The following SSTR5 variants were observed in gnomAD, a reference collection of about 807,000 sequenced individuals.
The protein encoded by SSTR5 is somatostatin receptor 5.
SSTR5 carries 1 observed loss-of-function variant against 0.3 expected under a neutral mutation model. The ratio of observed to expected loss-of-function variants is 2.98; its 90% confidence interval spans 1.06 to 14.15. SSTR5 has a LOEUF of 14.15. Ranked by LOEUF, SSTR5 falls within the 30% of genes most tolerant of loss-of-function variation. SSTR5 has a pLI of 0.12. For missense variants in SSTR5, 516 were observed against 543.2 expected (o/e 0.95, Z 0.50); for synonymous variants, 256 against 263.1 (o/e 0.97, Z 0.26).
chr16:1,077,673 C>A (rs763909695), intron 1 of SSTR5: 2 of 152,276 alleles, frequency 1.3e-5, no homozygotes, highest in Non-Finnish European at 2.9e-5. Flanking sequence ...GATCCACCCG[C>A]CTCGGCCTCC....
intron 1 of SSTR5, chr16:1,078,536 A>G: frequency 2.4e-6 from 1 of 424,454 alleles, no homozygotes; most frequent in Non-Finnish European, 4.4e-6. Context: ...CTCAGACTCC[A>G]GGATGCTGCG....
Position 1,078,972 on chromosome 16 carries a change from C to T in SSTR5, c.104C>T (p.Ser35Leu), listed in dbSNP as rs202179964. Residue 35 changes from serine to leucine, a missense_variant, in exon 2 of 2, where the codon TCG becomes TTG. Coordinates refer to ENST00000689027, the MANE Select transcript of SSTR5 (RefSeq NM_001172560.3). Reference protein sequence around the residue: ...DNRTLVGPAPSAGARAVLVPV... With the variant: ...DNRTLVGPAPLAGARAVLVPV... ...AGGACGCTGGTGGGGCCGGCGCCCT[C>T]GGCAGGGGCCCGGGCGGTGCTGGTG... is the stretch of plus-strand genomic sequence containing the variant. The T allele has an allele frequency of 1.5e-5, 24 of 1,591,710 alleles. No homozygotes were observed. Among genetic ancestry groups the T allele is most frequent in the Middle Eastern group, 3.4e-4 (2 of 5,870 alleles).
In SSTR5 at chr16:1,080,410, C is replaced by G. The variant is rs1235724604; in HGVS notation, c.*447C>G. ...CGGGTCCCCGTCCAAGGCTGCTCTG[C>G]TAAGTTAAAGACACCCGAAAGCGCT... On this transcript the variant is annotated 3_prime_UTR_variant, in exon 2 of 2. Coordinates refer to ENST00000689027, the MANE Select transcript of SSTR5 (RefSeq NM_001172560.3). Among the ~76,000 whole-genome samples, 1 of 152,244 alleles carries G rather than the reference C, an allele frequency of 6.6e-6. No homozygotes were observed. Among genetic ancestry groups the G allele is most frequent in the Non-Finnish European group, 1.5e-5 (1 of 68,040 alleles).
chr16:1,080,143 C>A lies in SSTR5; in HGVS notation c.*180C>A. The stretch of plus-strand genomic sequence containing the variant: ...TAGGTTCCCCACCGTGACCGACCAT[C>A]CCCTCTAACCGTCTGCCACACAGCG... On this transcript the variant is annotated 3_prime_UTR_variant, in exon 2 of 2. Transcript: ENST00000689027. 3 of 841,532 alleles carry A rather than the reference C, an allele frequency of 3.6e-6. No individual in the cohort carries two copies. Among genetic ancestry groups the A allele is most frequent in the Non-Finnish European group, 3.6e-6 (2 of 552,200 alleles). The allele number at this position is 841,532 out of a possible 1,614,324, so 52.1% of individuals were successfully genotyped here.
In SSTR5 at chr16:1,080,006, G is replaced by A; in HGVS notation, c.*43G>A. The A allele has an allele frequency of 1.9e-6, 3 of 1,543,294 alleles. No homozygotes were observed. Among genetic ancestry groups the A allele is most frequent in the Non-Finnish European group, 2.6e-6 (3 of 1,146,338 alleles). On this transcript the variant is annotated 3_prime_UTR_variant, in exon 2 of 2. Transcript: ENST00000689027. ...GGGCGGCCCCGTGTCACCCCCAGGA[G>A]CGGAGGTTGCACTGCGGTGACCCCC...
Position 1,080,232 on chromosome 16 carries a change from G to GA in SSTR5, c.*269_*270insA. 1 of 481,870 alleles carries GA rather than the reference G, an allele frequency of 2.1e-6. No homozygotes were observed. The highest frequency in any genetic ancestry group is 3.7e-6 in the Non-Finnish European group (1 of 268,148). The allele number at this position is 481,870 out of a possible 1,614,324, so 29.8% of individuals were successfully genotyped here. A position where few individuals can be genotyped will look rare whatever the true frequency, so the allele number is the denominator to read the frequency against. ...GGGGGCTCCGCCATGCCGTGCAAGTGCTCAGGGCCGCCTCACCCTCCATCT... is the reference window on the plus strand; with the variant it reads ...GGGGGCTCCGCCATGCCGTGCAAGTGACTCAGGGCCGCCTCACCCTCCATCT... On this transcript the variant is annotated 3_prime_UTR_variant, in exon 2 of 2. Transcript: ENST00000689027.
intron 1 of SSTR5, among the ~76,000 whole-genome samples, chr16:1,076,263 T>C (rs1342484486): frequency 8.0e-4 from 1 of 1,244 alleles, no homozygotes. Context: ...ACCCCCTCCC[T>C]CTCCCTCTCC....
rs1172856640 is a variant in SSTR5 at position 1,079,881 on chromosome 16, A to G, written c.1013A>G (p.Asp338Gly). 16 of 1,609,828 alleles carry G rather than the reference A, an allele frequency of 9.9e-6. No homozygotes were observed. Among genetic ancestry groups the G allele is most frequent in the African/African-American group, 1.3e-5 (1 of 74,882 alleles). ...KDADATEPRP[D>G]RIRQQQEATP... is the part of the protein sequence containing the mutation. ...GCTGACGCCACGGAGCCGCGTCCAG[A>G]CAGGATCCGGCAGCAGCAGGAGGCC... Residue 338 changes from aspartate to glycine, a missense_variant, in exon 2 of 2, where the codon GAC becomes GGC. Asp to Gly is a moderately conservative substitution (Grantham distance 94). Transcript: ENST00000689027.
rs1230525468 is a variant in SSTR5 at position 1,078,995 on chromosome 16, G to T, written c.127G>T (p.Val43Leu). Residue 43 changes from valine (V) to leucine (L), a missense_variant, in exon 2 of 2, where the codon GTG becomes TTG. Val to Leu is a conservative substitution (Grantham distance 32). Coordinates refer to ENST00000689027, the MANE Select transcript of SSTR5 (RefSeq NM_001172560.3). ...APSAGARAVL[V>L]PVLYLLVCAA... is the part of the protein sequence containing the mutation. ...CTCGGCAGGGGCCCGGGCGGTGCTG[G>T]TGCCCGTGCTGTACCTGCTGGTGTG... 3.1e-6 allele frequency: 5 copies of T among 1,594,448 alleles called. No homozygotes were observed. The highest frequency in any genetic ancestry group is 4.3e-6 in the Non-Finnish European group (5 of 1,172,468).
intron 1 of SSTR5, among the ~76,000 whole-genome samples, chr16:1,074,123 G>A (rs1290892895): frequency 6.6e-6 from 1 of 152,216 alleles, no homozygotes; most frequent in East Asian, 1.9e-4. Context: ...CAAGGGGGCA[G>A]TGGCCTGCCA....
At chr16:1,075,020 C>T (rs1960164942) in intron 1 of SSTR5, among the ~76,000 whole-genome samples, 1 of 152,300 alleles carries the variant, frequency 6.6e-6, no homozygotes, top group Admixed American at 6.5e-5. Flanking sequence ...TGGCCGAGGG[C>T]TCGGGATCAG....
rs546551594 is a variant in SSTR5, at chr16:1,078,752, C to T, written c.-27-90C>T. ...TACCCGGTGATCCCGCGCCTCCTGG[C>T]AGGCGGGGCTGGGGCCCAGGAGGAA... On this transcript the variant is annotated intron_variant, in intron 1 of 1. Transcript: ENST00000689027. 3.9e-5 allele frequency: 50 copies of T among 1,276,636 alleles called. No individual in the cohort carries two copies. The African/African-American group carries it at 6.3e-4, about 16-fold the overall frequency. 79.1% of individuals were successfully genotyped at this position (1,276,636 alleles called of 1,614,324 possible).
rs781439975 is a variant in SSTR5, at chr16:1,079,127, G to A, written c.259G>A (p.Val87Ile). 1.3e-5 allele frequency: 21 copies of A among 1,612,578 alleles called. No individual in the cohort carries two copies. Among genetic ancestry groups the A allele is most frequent in the Admixed American group, 6.7e-5 (4 of 60,006 alleles). ...IYILNLAVAD[V>I]LYMLGLPFLA... ...CATTCTCAACCTGGCAGTGGCCGAC[G>A]TCCTGTACATGCTGGGGCTGCCTTT... The change falls in exon 2 of 2, where the codon GTC becomes ATC. Residue 87 changes from valine to isoleucine, a missense_variant. Coordinates refer to ENST00000689027, the MANE Select transcript of SSTR5 (RefSeq NM_001172560.3).
In SSTR5 at chr16:1,081,116, T is replaced by G. The variant is rs1167273449; in HGVS notation, c.*1153T>G. The stretch of plus-strand genomic sequence containing the variant: ...CTCCCCCACCCCAAACACCAGCTTT[T>G]CCTGGCGCCCCAGGCCCAGAACGTG... On this transcript the variant is annotated 3_prime_UTR_variant, in exon 2 of 2. Transcript: ENST00000689027. 2 of 470,392 alleles carry G rather than the reference T, an allele frequency of 4.3e-6. No homozygotes were observed. Among genetic ancestry groups the G allele is most frequent in the Non-Finnish European group, 4.4e-6 (1 of 226,712 alleles). 29.1% of individuals were successfully genotyped at this position (470,392 alleles called of 1,614,324 possible). A position where few individuals can be genotyped will look rare whatever the true frequency, so the allele number is the denominator to read the frequency against.
rs777559987 is a variant in SSTR5, at chr16:1,079,324, C to T, written c.456C>T (p.Arg152=). 1.4e-5 allele frequency: 22 copies of T among 1,608,018 alleles called. No individual in the cohort carries two copies. In the East Asian group the frequency reaches 4.2e-4, roughly 31 times the overall value. Residue 152 remains arginine, a synonymous_variant, in exon 2 of 2, where the codon CGC becomes CGT. Transcript: ENST00000689027. ...VHPLSSARWR[R]PRVAKLASAA... ...CGCTGAGCTCGGCCCGCTGGCGCCG[C>T]CCGCGTGTGGCCAAGCTGGCGAGCG... is the stretch of plus-strand genomic sequence containing the variant.
At position 1,080,928 on chromosome 16, in the gene SSTR5, G is replaced by C. The variant is rs1012237076; in HGVS notation, c.*965G>C. ...TGCTTTGGGGCAGGGGCTCTGGCCC[G>C]GGAGAGGGAACGGGGACAGGAGCAG... On this transcript the variant is annotated 3_prime_UTR_variant, in exon 2 of 2. Transcript: ENST00000689027. 8 of 414,360 alleles carry C rather than the reference G, an allele frequency of 1.9e-5. No individual in the cohort carries two copies. Among genetic ancestry groups the C allele is most frequent in the Non-Finnish European group, 3.6e-5 (7 of 196,044 alleles). 25.7% of individuals were successfully genotyped at this position (414,360 alleles called of 1,614,324 possible).
rs1254975962 is a variant in SSTR5, at chr16:1,080,851, G to C, written c.*888G>C. Among the ~76,000 whole-genome samples the C allele has an allele frequency of 6.6e-6, 1 of 152,150 alleles. No homozygotes were observed. Among genetic ancestry groups the C allele is most frequent in the South Asian group, 2.1e-4 (1 of 4,836 alleles). ...AGGGAGAGGTGCTCCTGCTGCAGGAGGACCTGAGGGTCAGGGCTTGGAGAG... is the reference window on the plus strand; with the variant it reads ...AGGGAGAGGTGCTCCTGCTGCAGGACGACCTGAGGGTCAGGGCTTGGAGAG... On this transcript the variant is annotated 3_prime_UTR_variant, in exon 2 of 2. Transcript: ENST00000689027.
At position 1,081,192 on chromosome 16, in the gene SSTR5, G is replaced by C. The variant is rs1960372046; in HGVS notation, c.*1229G>C. The C allele has an allele frequency of 2.2e-6, 1 of 462,928 alleles. No individual in the cohort carries two copies. Among genetic ancestry groups the C allele is most frequent in the Non-Finnish European group, 4.5e-6 (1 of 222,230 alleles). 28.7% of individuals were successfully genotyped at this position (462,928 alleles called of 1,614,324 possible). A position where few individuals can be genotyped will look rare whatever the true frequency, so the allele number is the denominator to read the frequency against. ...CTGGGGCACCTTGGCCTTGCTCTGA[G>C]GCTGGAAGGAGAAGGACCAGGGTGC... On this transcript the variant is annotated 3_prime_UTR_variant, in exon 2 of 2. Transcript: ENST00000689027.
Position 1,078,965 on chromosome 16 carries a change from GCGCCC to G in SSTR5, c.98_102del (p.Ala33ValfsTer275). ...TGACAACAGGACGCTGGTGGGGCCG[GCGCCC>G]TCGGCAGGGGCCCGGGCGGTGCTGG... On this transcript the variant is annotated frameshift_variant, in exon 2 of 2. Coordinates refer to ENST00000689027, the MANE Select transcript of SSTR5 (RefSeq NM_001172560.3). LOFTEE classifies it low-confidence loss of function (END_TRUNC). 4 of 1,592,324 alleles carry G rather than the reference GCGCCC, an allele frequency of 2.5e-6. No individual in the cohort carries two copies. Among genetic ancestry groups the G allele is most frequent in the Non-Finnish European group, 3.4e-6 (4 of 1,171,196 alleles).
Sources: gnomAD v4.1 joint callset for allele counts (sites outside exome capture counted in the v4.1 genomes callset) on GRCh38, gnomAD v4.1.1 for gene constraint, MANE v1.5 for transcripts, NCBI Gene and HGNC (gene_info 2026-07-23, HGNC 2026-07-21) for gene names.